Variants in PGM2 observed in about 807,000 individuals in gnomAD.
The protein encoded by PGM2 is phosphoglucomutase 2.
Under a neutral mutation model 74.6 loss-of-function variants are expected in PGM2, and 57 were observed. The observed-to-expected ratio is 0.76, with a 90% CI of 0.62 to 0.95. The LOEUF is 0.95. PGM2 is among the 40% of genes least tolerant of loss of function. PGM2 has a pLI of 0.00. For synonymous variants in PGM2, 273 were observed against 260.7 expected, an observed-to-expected ratio of 1.05 and a Z score of -0.46; for missense variants, 706 against 741.9, an observed-to-expected ratio of 0.95 and a Z score of 0.56.
intron 1 of PGM2, 122 bp downstream of exon 1, chr4:37,826,935 C>T: frequency 3.2e-6 from 2 of 632,306 alleles, no homozygotes; most frequent in Non-Finnish European, 5.4e-6. Flanking sequence ...GCTTCTCCCC[C>T]GGGAAGACCC....
chr4:37,841,116 T>TGTG (rs1560415272), intron 6 of PGM2, among the ~76,000 whole-genome samples: 25 of 95,816 alleles, frequency 2.6e-4, no homozygotes, highest in African/African-American at 1.4e-3. Context: ...GTGTGTGTGT[T>TGTG]TGTATATGTA....
intron 1 of PGM2, among the ~76,000 whole-genome samples, chr4:37,828,582 A>G (rs1725357314): frequency 6.6e-6 from 1 of 152,100 alleles, no homozygotes. Context: ...AGTTTTGCTC[A>G]CTGCCAGGGC....
chr4:37,848,675 G>C (rs1725946082), intron 11 of PGM2, 24 bp downstream of exon 11: 1 of 1,552,736 alleles, frequency 6.4e-7, no homozygotes, highest in Admixed American at 1.8e-5. Context: ...GACTCTGTTG[G>C]ATTGAAATAA....
chr4:37,855,144 A>G (rs1056141653), intron 12 of PGM2, among the ~76,000 whole-genome samples: 2 of 152,192 alleles, frequency 1.3e-5, no homozygotes, highest in Non-Finnish European at 2.9e-5. Flanking sequence ...TCTTCTGTCT[A>G]GCTGAAACTT....
rs1577681151 is a variant in PGM2, at chr4:37,850,444, T to G, written c.1602+71T>G. ...TTTTAAAATAATTTGAATAAATTAT[T>G]TAACCATACAATTAATTGAAGCTGA... On this transcript the variant is annotated intron_variant, in intron 12 of 13. Transcript: ENST00000381967. 3 of 932,040 alleles carry G rather than the reference T, an allele frequency of 3.2e-6. No individual in the cohort carries two copies. The Admixed American group carries it at 1.1e-4, about 35-fold the overall frequency. 57.7% of individuals were successfully genotyped at this position (932,040 alleles called of 1,614,324 possible).
At chr4:37,855,987 T>C (rs1475400437) in intron 13 of PGM2, among the ~76,000 whole-genome samples, 8 of 152,194 alleles carry the variant, frequency 5.3e-5, no homozygotes, top group Non-Finnish European at 1.2e-4. Context: ...TATTTCAGTA[T>C]AGTAGTAAAA....
chr4:37,847,412 T>G (rs895299684), intron 10 of PGM2, 117 bp downstream of exon 10: 23 of 704,958 alleles, frequency 3.3e-5, no homozygotes, highest in African/African-American at 3.0e-4. Context: ...AGCACTCAGG[T>G]TGAATGTCGA....
intron 4 of PGM2, among the ~76,000 whole-genome samples, chr4:37,837,887 AT>A (rs10710351): frequency 0.34 from 50,369 of 149,504 alleles, 11,041 homozygotes; most frequent in African/African-American, 0.63. Flanking sequence ...GAGTCAGCAA[AT>A]TTTTTTTTTT....
intron 8 of PGM2, among the ~76,000 whole-genome samples, chr4:37,846,136 T>C (rs1296598268): frequency 1.3e-5 from 2 of 152,136 alleles, no homozygotes; most frequent in Non-Finnish European, 2.9e-5. Context: ...TGAATTTAGT[T>C]TGGACAGACC....
At chr4:37,829,481 G>A (rs1019177795) in intron 1 of PGM2, among the ~76,000 whole-genome samples, 1 of 152,186 alleles carries the variant, frequency 6.6e-6, no homozygotes, top group Admixed American at 6.5e-5. Flanking sequence ...TGGAAAATTT[G>A]AGGGCATTAG....
At chr4:37,856,785 C>T (rs1053823684) in intron 13 of PGM2, among the ~76,000 whole-genome samples, 9 of 152,184 alleles carry the variant, frequency 5.9e-5, no homozygotes, top group Admixed American at 3.3e-4. Context: ...AAATGCAATC[C>T]ACAGATGCAA....
At chr4:37,841,100 A>ATATATATATGTGTGTG (rs1202149456) in intron 6 of PGM2, among the ~76,000 whole-genome samples, 2 of 115,786 alleles carry the variant, frequency 1.7e-5, no homozygotes, top group African/African-American at 7.1e-5. Flanking sequence ...ATATATATAT[A>ATATATATATGTGTGTG]TGTGTGTGTG....
At chr4:37,850,051 G>A in intron 11 of PGM2, 133 bp from the exon 12 acceptor site, 1 of 558,766 alleles carries the variant, frequency 1.8e-6, no homozygotes, top group East Asian at 3.4e-5. Flanking sequence ...GCCTCACAAA[G>A]TGCTGGGATT....
intron 13 of PGM2, among the ~76,000 whole-genome samples, chr4:37,861,016 T>C (rs1467649261): frequency 6.6e-6 from 1 of 152,128 alleles, no homozygotes; most frequent in Non-Finnish European, 1.5e-5. Flanking sequence ...CTGTTCATTC[T>C]AGGAAGGCTT....
intron 12 of PGM2, among the ~76,000 whole-genome samples, chr4:37,851,707 G>A (rs1726043914): frequency 1.3e-5 from 2 of 152,140 alleles, no homozygotes; most frequent in South Asian, 2.1e-4. Flanking sequence ...ATATAGTGAT[G>A]TTTTGATATA....
At chr4:37,853,389 A>G (rs1726107036) in intron 12 of PGM2, among the ~76,000 whole-genome samples, 1 of 146,178 alleles carries the variant, frequency 6.8e-6, no homozygotes, top group African/African-American at 2.5e-5. Context: ...TTTTAATGTA[A>G]ACAATATCTT....
In PGM2 at chr4:37,847,189, A is replaced by G. The variant is rs1182635511; in HGVS notation, c.1189-13A>G. ...TCTAAGGCATGTCTTTCTCTTTTGG[A>G]TTATCCCTTTAGGAAACATTAACTG... is the stretch of plus-strand genomic sequence containing the variant. On this transcript the variant is annotated splice_polypyrimidine_tract_variant and intron_variant, in intron 9 of 13. Coordinates refer to ENST00000381967, the MANE Select transcript of PGM2 (RefSeq NM_018290.4). 1.2e-6 allele frequency: 2 copies of G among 1,610,066 alleles called. No homozygotes were observed. The highest frequency in any genetic ancestry group is 1.7e-6 in the Non-Finnish European group (2 of 1,176,412).
rs1392195517 is a variant in PGM2 at position 37,839,560 on chromosome 4, T to C, written c.442-288T>C. ...TTGGAATGGAGGCTTAGACCATCGT[T>C]GTGTTTGAAGAATTTTCTAGCTCTA... is the stretch of plus-strand genomic sequence containing the variant. On this transcript the variant is annotated intron_variant, in intron 4 of 13. Coordinates refer to ENST00000381967, the MANE Select transcript of PGM2 (RefSeq NM_018290.4). The C allele has an allele frequency of 9.1e-6, 5 of 551,284 alleles. No individual in the cohort carries two copies. In the African/African-American group the frequency reaches 9.3e-5, roughly 10 times the overall value. The allele number at this position is 551,284 out of a possible 1,614,324, so 34.1% of individuals were successfully genotyped here. A position where few individuals can be genotyped will look rare whatever the true frequency, so the allele number is the denominator to read the frequency against.
In PGM2 at chr4:37,845,621, ATTC is replaced by A. The variant is rs1179949720; in HGVS notation, c.910-5_910-3del. ...TGATTAAATAATCTTTTATTTTCAT[ATTC>A]TTCTTCAGACTTTGTCTTTTGCTTT... On this transcript the variant is annotated splice_polypyrimidine_tract_variant and intron_variant, in intron 7 of 13. Transcript: ENST00000381967. 45 of 1,557,952 alleles carry A rather than the reference ATTC, an allele frequency of 2.9e-5. No homozygotes were observed. The highest frequency in any genetic ancestry group is 4.0e-5 in the Non-Finnish European group (45 of 1,129,090).
Sources: gnomAD v4.1 joint callset for allele counts (sites outside exome capture counted in the v4.1 genomes callset) on GRCh38, gnomAD v4.1.1 for gene constraint, MANE v1.5 for transcripts, NCBI Gene and HGNC (gene_info 2026-07-23, HGNC 2026-07-21) for gene names.